KCNH1: variants seen among roughly 807,000 people sequenced by gnomAD.
KCNH1 encodes voltage-gated delayed rectifier potassium channel KCNH1.
Under a neutral mutation model 69.2 loss-of-function variants are expected in KCNH1, and 27 were observed. The observed-to-expected ratio is 0.39, with a 90% confidence interval of 0.29 to 0.54. The LOEUF is 0.54. Ranked by LOEUF, KCNH1 falls within the 20% of genes least tolerant of loss-of-function variation. KCNH1 has a pLI of 0.68. For synonymous variants in KCNH1, 456 were observed against 487.7 expected, an observed-to-expected ratio of 0.93 and a Z score of 0.86; for missense variants, 798 against 1,261.6, an observed-to-expected ratio of 0.63 and a Z score of 5.57.
intron 10 of KCNH1, among the ~76,000 whole-genome samples, chr1:210,771,047 G>A (rs576309644): frequency 3.9e-5 from 6 of 152,312 alleles, no homozygotes; most frequent in South Asian, 2.1e-4. Context: ...TGACATACAC[G>A]TACTGATACT....
intron 7 of KCNH1, among the ~76,000 whole-genome samples, chr1:210,869,161 G>A (rs752066777): frequency 2.3e-4 from 35 of 151,952 alleles, no homozygotes; most frequent in Non-Finnish European, 4.4e-4. Context: ...TCCTCTGTAT[G>A]TAATTTTTTT....
chr1:210,944,806 A>G (rs1687930431), intron 6 of KCNH1, among the ~76,000 whole-genome samples: 1 of 152,242 alleles, frequency 6.6e-6, no homozygotes, highest in Admixed American at 6.5e-5. Context: ...TGTACAGTTC[A>G]GTGGCATTAA....
At chr1:211,056,267 C>T (rs555297980) in intron 5 of KCNH1, among the ~76,000 whole-genome samples, 49 of 152,228 alleles carry the variant, frequency 3.2e-4, no homozygotes, top group Non-Finnish European at 4.1e-4. Flanking sequence ...AGTAGCCAGG[C>T]AGTACTTGCC....
intron 7 of KCNH1, among the ~76,000 whole-genome samples, chr1:210,905,802 A>G (rs1036222787): frequency 5.9e-5 from 9 of 152,266 alleles, no homozygotes; most frequent in Admixed American, 1.3e-4. Flanking sequence ...ATGTCTGGAA[A>G]ATTGATCCAC....
chr1:210,782,202 T>C (rs540660372), intron 9 of KCNH1, among the ~76,000 whole-genome samples: 1 of 152,246 alleles, frequency 6.6e-6, no homozygotes, highest in South Asian at 2.1e-4. Flanking sequence ...TCAATGGCTG[T>C]TGAATGTATA....
intron 5 of KCNH1, among the ~76,000 whole-genome samples, chr1:211,082,562 C>G (rs1400259972): frequency 6.6e-6 from 1 of 152,170 alleles, no homozygotes; most frequent in Non-Finnish European, 1.5e-5. Context: ...TGAAACAGAG[C>G]TTTTCCAGCC....
chr1:211,126,264 C>A (rs1326683741), intron 1 of KCNH1, among the ~76,000 whole-genome samples: 2 of 152,168 alleles, frequency 1.3e-5, no homozygotes, highest in Non-Finnish European at 2.9e-5. Context: ...AATCCCAGCA[C>A]TTTGGGAGGC....
At chr1:210,773,029 T>C (rs1177841857) in intron 10 of KCNH1, among the ~76,000 whole-genome samples, 1 of 152,172 alleles carries the variant, frequency 6.6e-6, no homozygotes, top group Non-Finnish European at 1.5e-5. Context: ...AGATTACTCC[T>C]CCAAATAACC....
At chr1:210,989,901 C>T (rs1688908025) in intron 6 of KCNH1, among the ~76,000 whole-genome samples, 3 of 152,232 alleles carry the variant, frequency 2.0e-5, no homozygotes, top group South Asian at 4.1e-4. Context: ...ATTTTAAAAG[C>T]TTCTAAGTGT....
chr1:210,974,560 CCTT>C (rs1335885009), intron 6 of KCNH1, among the ~76,000 whole-genome samples: 2 of 122,020 alleles, frequency 1.6e-5, no homozygotes, highest in Non-Finnish European at 3.2e-5. Context: ...GTTTCTTCAT[CCTT>C]TTTTTTTTTT....
chr1:210,908,661 G>A (rs1360856259), intron 7 of KCNH1, among the ~76,000 whole-genome samples: 1 of 152,168 alleles, frequency 6.6e-6, no homozygotes, highest in African/African-American at 2.4e-5. Flanking sequence ...TTTCCCCAAT[G>A]GGTGCATTCT....
intron 7 of KCNH1, among the ~76,000 whole-genome samples, chr1:210,853,949 A>AAAAAAAAAAAAAAAC: frequency 6.9e-6 from 1 of 145,020 alleles, no homozygotes; most frequent in African/African-American, 2.6e-5. Flanking sequence ...TCTAAGCCAA[A>AAAAAAAAAAAAAAAC]AAAAAAAAAA....
intron 6 of KCNH1, among the ~76,000 whole-genome samples, chr1:210,921,259 G>A (rs778162737): frequency 2.1e-4 from 32 of 152,140 alleles, no homozygotes; most frequent in South Asian, 6.2e-4. Context: ...GGAAGTTTCC[G>A]TTAGCTTTTT....
chr1:211,012,634 T>C (rs142600327), intron 6 of KCNH1, among the ~76,000 whole-genome samples: 2 of 152,290 alleles, frequency 1.3e-5, no homozygotes, highest in African/African-American at 2.4e-5. Context: ...GGGGGATGAA[T>C]ACGTGGAGCA....
chr1:210,926,746 G>T (rs1475698639), intron 6 of KCNH1, among the ~76,000 whole-genome samples: 1 of 151,994 alleles, frequency 6.6e-6, no homozygotes, highest in Non-Finnish European at 1.5e-5. Flanking sequence ...AAGAATTCGG[G>T]AGGTTGATTA....
chr1:210,977,172 T>C (rs1688628433), intron 6 of KCNH1, among the ~76,000 whole-genome samples: 1 of 152,140 alleles, frequency 6.6e-6, no homozygotes, highest in Admixed American at 6.5e-5. Context: ...GAAACCATCA[T>C]TCTCAGCAAA....
intron 7 of KCNH1, among the ~76,000 whole-genome samples, chr1:210,867,933 T>C (rs1686150535): frequency 6.6e-6 from 1 of 152,038 alleles, no homozygotes; most frequent in Non-Finnish European, 1.5e-5. Context: ...CTTAAGGACA[T>C]TTGATATTTT....
intron 6 of KCNH1, among the ~76,000 whole-genome samples, chr1:210,939,141 T>G (rs1156586773): frequency 6.6e-6 from 1 of 152,122 alleles, no homozygotes. Flanking sequence ...CAACAAATAC[T>G]TCCTGCACAC....
intron 6 of KCNH1, among the ~76,000 whole-genome samples, chr1:210,989,492 T>C (rs774716895): frequency 1.1e-4 from 17 of 152,178 alleles, no homozygotes; most frequent in Non-Finnish European, 2.1e-4. Context: ...GCCACAACAG[T>C]GCTGTCTTCA....
Sources: gnomAD v4.1 joint callset for allele counts (sites outside exome capture counted in the v4.1 genomes callset) on GRCh38, gnomAD v4.1.1 for gene constraint, MANE v1.5 for transcripts, NCBI Gene and HGNC (gene_info 2026-07-23, HGNC 2026-07-21) for gene names.